The following OCA2 variants were observed in gnomAD, a reference collection of about 807,000 sequenced individuals.
OCA2 encodes the protein OCA2 melanosomal transmembrane protein, also known as P protein.
Under a neutral mutation model 100.2 loss-of-function variants are expected in OCA2, and 77 were observed. That is an observed-to-expected ratio of 0.77 (90% CI 0.64 to 0.93). The LOEUF (loss-of-function observed/expected upper bound fraction) is 0.93, where lower values mean the gene tolerates loss of function less well. Ranked by LOEUF, OCA2 falls within the 40% of genes least tolerant of loss-of-function variation. OCA2 has a pLI of 0.00. For synonymous variants in OCA2, 432 were observed against 439.2 expected (o/e 0.98, Z 0.21); for missense variants, 1,062 against 1,089.1 (o/e 0.98, Z 0.35).
At chr15:28,017,907 C>T (rs928688614) in intron 7 of OCA2, among the ~76,000 whole-genome samples, 4 of 152,246 alleles carry the variant, frequency 2.6e-5, no homozygotes, top group Middle Eastern at 3.4e-3. Flanking sequence ...CGCTTCCTGG[C>T]TGCCTTTGCA....
At chr15:27,887,167 T>C (rs1340514708) in intron 19 of OCA2, among the ~76,000 whole-genome samples, 1 of 152,246 alleles carries the variant, frequency 6.6e-6, no homozygotes, top group African/African-American at 2.4e-5. Flanking sequence ...TCCCCAGCCA[T>C]GTTGACCTGT....
intron 23 of OCA2, among the ~76,000 whole-genome samples, chr15:27,763,511 A>C (rs2031003646): frequency 6.6e-6 from 1 of 152,338 alleles, no homozygotes; most frequent in Admixed American, 6.5e-5. Context: ...CACTGAAGCT[A>C]TATGAGTGGA....
chr15:27,869,405 T>G (rs1353855269), intron 21 of OCA2, among the ~76,000 whole-genome samples: 1 of 152,242 alleles, frequency 6.6e-6, no homozygotes, highest in Non-Finnish European at 1.5e-5. Context: ...CAACAAATTC[T>G]GAGGCAAAGA....
intron 9 of OCA2, among the ~76,000 whole-genome samples, chr15:27,992,851 A>C (rs4499192): frequency 4.5e-4 from 69 of 152,298 alleles, no homozygotes; most frequent in East Asian, 4.5e-3. Flanking sequence ...GGCCTGGCAC[A>C]GTGGCTCACA....
At chr15:27,809,244 C>T (rs977107317) in intron 23 of OCA2, among the ~76,000 whole-genome samples, 3 of 152,208 alleles carry the variant, frequency 2.0e-5, no homozygotes, top group African/African-American at 7.2e-5. Context: ...GCATTCTTTC[C>T]TCTCTCTTTT....
At chr15:27,868,142 A>T (rs1349477293) in intron 21 of OCA2, among the ~76,000 whole-genome samples, 1 of 152,194 alleles carries the variant, frequency 6.6e-6, no homozygotes, top group Non-Finnish European at 1.5e-5. Flanking sequence ...CTGGAGAAAA[A>T]CAGTCACATG....
At chr15:27,951,200 G>A (rs966768480) in intron 18 of OCA2, among the ~76,000 whole-genome samples, 3 of 152,186 alleles carry the variant, frequency 2.0e-5, no homozygotes, top group African/African-American at 7.2e-5. Flanking sequence ...ATAGGTCCTG[G>A]CCACAGCACA....
At chr15:27,889,984 C>A (rs1033134431) in intron 19 of OCA2, among the ~76,000 whole-genome samples, 1 of 152,174 alleles carries the variant, frequency 6.6e-6, no homozygotes, top group Non-Finnish European at 1.5e-5. Flanking sequence ...ATCCAGGTAC[C>A]AGCATTTGGG....
In OCA2 at chr15:28,017,588, G is replaced by T. The variant is rs75228873; in HGVS notation, c.807+809C>A. On this transcript the variant is annotated intron_variant, in intron 7 of 23. Coordinates refer to ENST00000354638, the MANE Select transcript of OCA2 (RefSeq NM_000275.3). ...AGAACATTGGTGTTGCGTCAGCCAC[G>T]GTCCAGGACACTGCATGCTAGTTCA... 7.2e-5 allele frequency among the ~76,000 whole-genome samples: 11 copies of T among 152,294 alleles called. No homozygotes were observed. In the South Asian group the frequency reaches 2.3e-3, roughly 32 times the overall value.
At chr15:28,004,173 G>C (rs997752763) in intron 9 of OCA2, among the ~76,000 whole-genome samples, 10 of 152,266 alleles carry the variant, frequency 6.6e-5, no homozygotes, top group African/African-American at 2.4e-4. Context: ...TGGAAAAGCA[G>C]CCTACGACAT....
chr15:27,757,475 C>T (rs2030477469), intron 23 of OCA2, among the ~76,000 whole-genome samples: 1 of 152,182 alleles, frequency 6.6e-6, no homozygotes, highest in Non-Finnish European at 1.5e-5. Flanking sequence ...TTGACAAAGG[C>T]CACCACCAGT....
At chr15:27,764,584 C>T (rs373630077) in intron 23 of OCA2, among the ~76,000 whole-genome samples, 95 of 152,280 alleles carry the variant, frequency 6.2e-4, no homozygotes, top group East Asian at 9.7e-4. Context: ...GGGACTCAGC[C>T]GCCCATGCAT....
downstream of OCA2, among the ~76,000 whole-genome samples, chr15:27,754,027 G>A (rs1444321602): frequency 6.6e-6 from 1 of 152,110 alleles, no homozygotes; most frequent in Non-Finnish European, 1.5e-5. Flanking sequence ...ACCAAGCAAA[G>A]TACGGGCAGC....
At chr15:27,754,173 C>T (rs749995773), downstream of OCA2, among the ~76,000 whole-genome samples, 14 of 152,194 alleles carry the variant, frequency 9.2e-5, no homozygotes, top group Non-Finnish European at 1.8e-4. Flanking sequence ...ACTACGGTTG[C>T]ACGTCAGCTT....
At chr15:27,929,406 C>T (rs1306771434) in intron 18 of OCA2, among the ~76,000 whole-genome samples, 1 of 152,056 alleles carries the variant, frequency 6.6e-6, no homozygotes, top group African/African-American at 2.4e-5. Context: ...AAGTCTTTTC[C>T]ACATATGGTG....
chr15:28,071,560 C>G (rs917084092), intron 2 of OCA2, among the ~76,000 whole-genome samples: 1 of 152,134 alleles, frequency 6.6e-6, no homozygotes, highest in Admixed American at 6.5e-5. Context: ...GGTATGGGCA[C>G]AAAAACAGAC....
At chr15:27,847,560 G>A (rs925365773) in intron 22 of OCA2, among the ~76,000 whole-genome samples, 8 of 152,174 alleles carry the variant, frequency 5.3e-5, no homozygotes, top group Non-Finnish European at 1.0e-4. Context: ...AGGAGGCCAC[G>A]GAGAGGAGCC....
chr15:28,020,423 C>T (rs758343095), intron 6 of OCA2, among the ~76,000 whole-genome samples: 1 of 152,010 alleles, frequency 6.6e-6, no homozygotes, highest in Non-Finnish European at 1.5e-5. Flanking sequence ...CCACTGAGGA[C>T]GGTTTCTGGA....
chr15:27,885,315 CAG>C (rs1286418723), intron 19 of OCA2, among the ~76,000 whole-genome samples: 1 of 152,120 alleles, frequency 6.6e-6, no homozygotes. Context: ...CTTTCAATGA[CAG>C]AGTCTTGGCA....
Sources: gnomAD v4.1 joint callset for allele counts (sites outside exome capture counted in the v4.1 genomes callset) on GRCh38, gnomAD v4.1.1 for gene constraint, MANE v1.5 for transcripts, NCBI Gene and HGNC (gene_info 2026-07-23, HGNC 2026-07-21) for gene names.